The following CNBD1 variants were observed in gnomAD, a reference collection of about 807,000 sequenced individuals.
CNBD1 encodes the protein cyclic nucleotide-binding domain-containing protein 1.
In CNBD1, 71 loss-of-function variants were observed where a neutral mutation model predicts 54.4. The observed-to-expected ratio is 1.30, with a 90% CI of 1.08 to 1.59. The LOEUF (loss-of-function observed/expected upper bound fraction) is 1.59, where lower values mean the gene tolerates loss of function less well. CNBD1 is among the 40% of genes most tolerant of loss of function. The pLI is 0.00. For synonymous variants in CNBD1, 182 were observed against 170.7 expected (o/e 1.07, Z -0.51); for missense variants, 659 against 518.0 (o/e 1.27, Z -2.64).
intron 6 of CNBD1, among the ~76,000 whole-genome samples, chr8:87,253,863 T>C (rs1250822849): frequency 6.6e-6 from 1 of 152,106 alleles, no homozygotes; most frequent in Non-Finnish European, 1.5e-5. Flanking sequence ...ATTTCAAGAA[T>C]ATAAGAATTG....
chr8:87,392,120 A>C (rs1376131798), intron 2 of CNBD1, among the ~76,000 whole-genome samples: 1 of 152,094 alleles, frequency 6.6e-6, no homozygotes, highest in African/African-American at 2.4e-5. Flanking sequence ...TTTCATACCT[A>C]CTATTTTGAA....
intron 10 of CNBD1, among the ~76,000 whole-genome samples, chr8:87,357,872 G>A (rs1810451601): frequency 1.3e-5 from 2 of 152,152 alleles, no homozygotes; most frequent in South Asian, 4.1e-4. Flanking sequence ...GGACTGGTGA[G>A]GGGTGTTTGT....
At chr8:87,412,409 C>G (rs1807761492) in intron 2 of CNBD1, among the ~76,000 whole-genome samples, 1 of 152,058 alleles carries the variant, frequency 6.6e-6, no homozygotes, top group Non-Finnish European at 1.5e-5. Context: ...ATTTGCTTCT[C>G]AAATGTCAGA....
chr8:86,915,028 G>A (rs963768588), intron 3 of CNBD1, among the ~76,000 whole-genome samples: 8 of 152,116 alleles, frequency 5.3e-5, no homozygotes, highest in Non-Finnish European at 1.2e-4. Context: ...ACCTGAACAG[G>A]GAACCACAGT....
intron 4 of CNBD1, among the ~76,000 whole-genome samples, chr8:86,975,713 G>A (rs538629146): frequency 7.9e-5 from 12 of 151,974 alleles, no homozygotes; most frequent in South Asian, 2.1e-4. Context: ...TCTCTTTGAC[G>A]TGCTGATTTC....
intron 3 of CNBD1, among the ~76,000 whole-genome samples, chr8:86,928,455 C>A (rs1283765400): frequency 6.6e-6 from 1 of 152,114 alleles, no homozygotes; most frequent in Non-Finnish European, 1.5e-5. Context: ...TATATTGTAT[C>A]CCTAGCGCCC....
chr8:86,979,402 C>CAAAAAAAAAAAAAAAAAAAAAAAAAAAA, intron 4 of CNBD1, among the ~76,000 whole-genome samples: 1 of 10,392 alleles, frequency 9.6e-5, no homozygotes, highest in Non-Finnish European at 1.5e-4. Flanking sequence ...ATCATCTCTA[C>CAAAAAAAAAAAAAAAAAAAAAAAAAAAA]AAAAAAAAAA....
chr8:87,144,554 A>T (rs1563485845), intron 4 of CNBD1, among the ~76,000 whole-genome samples: 1 of 152,162 alleles, frequency 6.6e-6, no homozygotes, highest in Non-Finnish European at 1.5e-5. Flanking sequence ...ATGCAAAAAA[A>T]TGTAATTGTA....
rs1158151248 is a variant in CNBD1 at position 87,373,830 on chromosome 8, C to T, written c.1304-8790C>T. On this transcript the variant is annotated intron_variant, in intron 10 of 10. Coordinates refer to ENST00000518476, the MANE Select transcript of CNBD1 (RefSeq NM_173538.3). Reference sequence around the variant, plus strand: ...GCCAAGTTTCTGTGTAAACCTTAAACTTCAATATTTTTAGATAGAACCCAA... The same window carrying T: ...GCCAAGTTTCTGTGTAAACCTTAAATTTCAATATTTTTAGATAGAACCCAA... Among the ~76,000 whole-genome samples, 4 of 151,716 alleles carry T rather than the reference C, an allele frequency of 2.6e-5. No homozygotes were observed. In the East Asian group the frequency reaches 7.8e-4, roughly 29 times the overall value.
In CNBD1 at chr8:86,954,698, T is replaced by G. The variant is rs910555574; in HGVS notation, c.431+14944T>G. ...ATGGTAGCTCTTAGCAATTTTTAAT[T>G]TTGAAATACCTGGTAAGTTATTTTA... On this transcript the variant is annotated intron_variant, in intron 4 of 10. Coordinates refer to ENST00000518476, the MANE Select transcript of CNBD1 (RefSeq NM_173538.3). Among the ~76,000 whole-genome samples, 5 of 152,206 alleles carry G rather than the reference T, an allele frequency of 3.3e-5. 1 individual carries two copies. The highest frequency in any genetic ancestry group is 7.3e-5 in the Non-Finnish European group (5 of 68,032).
At chr8:87,318,264 T>A (rs1296745511) in intron 8 of CNBD1, among the ~76,000 whole-genome samples, 1 of 152,122 alleles carries the variant, frequency 6.6e-6, no homozygotes, top group Non-Finnish European at 1.5e-5. Context: ...AATTTTGCAT[T>A]GGATTCCAAG....
intron 2 of CNBD1, among the ~76,000 whole-genome samples, chr8:87,411,424 A>ATATATATATATATT (rs1360094708): frequency 7.0e-6 from 1 of 142,072 alleles, no homozygotes; most frequent in East Asian, 2.1e-4. Flanking sequence ...ATATATATAT[A>ATATATATATATATT]TATTTCATTC....
intron 4 of CNBD1, among the ~76,000 whole-genome samples, chr8:87,098,956 G>A (rs1230559905): frequency 7.4e-6 from 1 of 135,484 alleles, no homozygotes. Flanking sequence ...AGAATAGTTT[G>A]AATCTGGGAG....
intron 2 of CNBD1, among the ~76,000 whole-genome samples, chr8:87,403,078 C>T (rs1232375950): frequency 2.0e-5 from 3 of 151,830 alleles, no homozygotes; most frequent in Non-Finnish European, 2.9e-5. Context: ...TTTCAGGTTT[C>T]CTCATAAAGA....
intron 1 of CNBD1, among the ~76,000 whole-genome samples, chr8:86,875,636 A>G (rs1379650616): frequency 6.6e-6 from 1 of 152,110 alleles, no homozygotes; most frequent in African/African-American, 2.4e-5. Flanking sequence ...AGAAATTTGT[A>G]GCACTAGTAT....
At chr8:87,313,505 A>G (rs1281304840) in intron 8 of CNBD1, among the ~76,000 whole-genome samples, 1 of 152,024 alleles carries the variant, frequency 6.6e-6, no homozygotes, top group Non-Finnish European at 1.5e-5. Flanking sequence ...TGTAACTTGA[A>G]CAAATTCTTC....
chr8:87,350,615 C>A (rs75887717), intron 8 of CNBD1, among the ~76,000 whole-genome samples: 7,843 of 151,696 alleles, frequency 0.052, 319 homozygotes, highest in East Asian at 0.16. Flanking sequence ...CTCTTTTATG[C>A]TAGAAAACAA....
intron 4 of CNBD1, among the ~76,000 whole-genome samples, chr8:86,982,010 A>G (rs1808498581): frequency 2.0e-5 from 3 of 152,150 alleles, no homozygotes; most frequent in African/African-American, 7.2e-5. Context: ...GAGGTGTACC[A>G]AGTTTCACTA....
chr8:87,412,744 T>C (rs1270714506), intron 2 of CNBD1, among the ~76,000 whole-genome samples: 3 of 152,046 alleles, frequency 2.0e-5, no homozygotes, highest in African/African-American at 7.2e-5. Flanking sequence ...GACATGTACT[T>C]TTCCGAAGAA....
Sources: allele counts gnomAD v4.1 joint callset (sites outside exome capture counted in the v4.1 genomes callset), GRCh38; gene constraint gnomAD v4.1.1; transcripts MANE v1.5; gene names NCBI Gene and HGNC (gene_info 2026-07-23, HGNC 2026-07-21).